Variants in ZNF540 observed in about 807,000 individuals in gnomAD.
The protein encoded by ZNF540 is CTD-3064H18.6.
A neutral mutation model predicts 11.8 loss-of-function variants in ZNF540; 3 were observed. That is an observed-to-expected ratio of 0.25 (90% CI 0.12 to 0.65). The LOEUF is 0.65. Ranked by LOEUF, ZNF540 falls within the 30% of genes least tolerant of loss-of-function variation. The probability of loss-of-function intolerance (pLI) is 0.83; values close to 1 mark genes in which losing one functional copy is unlikely to be tolerated. For missense variants in ZNF540, 709 were observed against 793.1 expected (o/e 0.89, Z 1.27); for synonymous variants, 247 against 259.0 (o/e 0.95, Z 0.45).
At chr19:37,562,929 A>G (rs1248014946) in intron 1 of ZNF540, 1 of 152,224 alleles carries the variant, frequency 6.6e-6, no homozygotes, top group African/African-American at 2.4e-5. Flanking sequence ...GGCTTAAATT[A>G]AGTTGAATTC....
chr19:37,589,765 C>T (rs1013517731), intron 1 of ZNF540, among the ~76,000 whole-genome samples: 1 of 141,646 alleles, frequency 7.1e-6, no homozygotes, highest in African/African-American at 2.6e-5. Flanking sequence ...ACTTGGGAGG[C>T]TGAGGCAAAG....
chr19:37,575,132 C>A (rs1391857244), intron 1 of ZNF540, among the ~76,000 whole-genome samples: 1 of 152,196 alleles, frequency 6.6e-6, no homozygotes. Context: ...TCCACTTAAA[C>A]TATAACCTGA....
chr19:37,612,614 G>C lies in ZNF540; in HGVS notation c.1334G>C (p.Gly445Ala). ...AAACCATATGAATGTAAGGAATGCGGGAAAGCCTTTATGCTTCGTTCAGTC... is the reference window on the plus strand; with the variant it reads ...AAACCATATGAATGTAAGGAATGCGCGAAAGCCTTTATGCTTCGTTCAGTC... The part of the protein sequence containing the change: ...GEKPYECKEC[G>A]KAFMLRSVLT... The change falls in exon 5 of 5, where the codon GGG becomes GCG. Residue 445 changes from glycine to alanine, a missense_variant. Gly to Ala is a moderately conservative substitution (Grantham distance 60). Transcript: ENST00000316433. 12 of 1,614,022 alleles carry C rather than the reference G, an allele frequency of 7.4e-6. No individual in the cohort carries two copies. Among genetic ancestry groups the C allele is most frequent in the Non-Finnish European group, 1.0e-5 (12 of 1,179,994 alleles).
At chr19:37,586,872 A>G (rs925189196) in intron 1 of ZNF540, 20 of 617,826 alleles carry the variant, frequency 3.2e-5, no homozygotes, top group South Asian at 6.2e-5. Flanking sequence ...CACAAACCCA[A>G]TGGAAGCCAG....
intron 1 of ZNF540, among the ~76,000 whole-genome samples, chr19:37,553,884 CAA>C (rs1412739859): frequency 1.3e-5 from 2 of 152,112 alleles, no homozygotes; most frequent in East Asian, 3.8e-4. Context: ...ATGAGGAAAA[CAA>C]TATTTACTCA....
chr19:37,593,337 A>C (rs116627092), upstream of ZNF540, among the ~76,000 whole-genome samples: 1 of 152,182 alleles, frequency 6.6e-6, no homozygotes, highest in Non-Finnish European at 1.5e-5. Context: ...GCCTGCTTGA[A>C]AACATCCACA....
intron 1 of ZNF540, among the ~76,000 whole-genome samples, chr19:37,583,254 T>C (rs921306585): frequency 6.6e-6 from 1 of 152,218 alleles, no homozygotes; most frequent in African/African-American, 2.4e-5. Context: ...TCAGTACGTA[T>C]GTGCTGGCTA....
chr19:37,561,873 T>A (rs1238873147), intron 1 of ZNF540, among the ~76,000 whole-genome samples: 2 of 152,218 alleles, frequency 1.3e-5, no homozygotes, highest in African/African-American at 2.4e-5. Context: ...ACTTATCCAA[T>A]CTGAACAAAA....
intron 1 of ZNF540, chr19:37,587,176 C>T (rs1280410856): frequency 2.0e-5 from 3 of 153,468 alleles, no homozygotes; most frequent in Admixed American, 1.3e-4. Flanking sequence ...CAGTCTCATC[C>T]CACTCCCCTG....
rs1002812866 is a variant in ZNF540, at chr19:37,612,022, T to C, written c.742T>C (p.Cys248Arg). ...TGAGAAACCCTATGAATGTCAAGAA[T>C]GTGGGAAGACCTTTACTCTTTACCC... is the stretch of plus-strand genomic sequence containing the variant. ...TGEKPYECQE[C>R]GKTFTLYPQL... The change falls in exon 5 of 5, where the codon TGT becomes CGT. Residue 248 changes from cysteine (C) to arginine (R), a missense_variant. Transcript: ENST00000316433. 1 of 1,613,590 alleles carries C rather than the reference T, an allele frequency of 6.2e-7. No homozygotes were observed. The highest frequency in any genetic ancestry group is 8.5e-7 in the Non-Finnish European group (1 of 1,179,942).
At chr19:37,600,116 A>G (rs1405219285) in intron 3 of ZNF540, among the ~76,000 whole-genome samples, 1 of 152,228 alleles carries the variant, frequency 6.6e-6, no homozygotes, top group Non-Finnish European at 1.5e-5. Context: ...TAACATGCCT[A>G]TAAGGATAAC....
intron 1 of ZNF540, chr19:37,563,417 T>C (rs1334643214): frequency 1.3e-5 from 2 of 152,104 alleles, no homozygotes; most frequent in Non-Finnish European, 2.9e-5. Context: ...CCATTCAGTA[T>C]ATCAGAAATG....
intron 1 of ZNF540, among the ~76,000 whole-genome samples, chr19:37,571,973 T>A (rs2043070985): frequency 6.6e-6 from 1 of 152,250 alleles, no homozygotes; most frequent in Non-Finnish European, 1.5e-5. Context: ...TATCTTTTTT[T>A]ATGATCTAAT....
Position 37,559,550 on chromosome 19 carries a change from A to AC in ZNF540, c.-73+7886dup, listed in dbSNP as rs1394465602. Among the ~76,000 whole-genome samples, 5 of 152,354 alleles carry AC rather than the reference A, an allele frequency of 3.3e-5. No homozygotes were observed. The East Asian group carries it at 7.7e-4, about 23-fold the overall frequency. ...ATTTTGAAAAAGAAAAGCAAGGTGC[A>AC]CAAGACAAATACCAACAAAATATAA... On this transcript the variant is annotated intron_variant, in intron 1 of 4. Transcript: ENST00000592533.
intron 1 of ZNF540, among the ~76,000 whole-genome samples, chr19:37,588,981 C>T (rs1368439247): frequency 6.6e-6 from 1 of 151,968 alleles, no homozygotes; most frequent in African/African-American, 2.4e-5. Context: ...AGGTGGATCA[C>T]CTGAGGTCAG....
chr19:37,591,377 G>A (rs536581934), upstream of ZNF540, among the ~76,000 whole-genome samples: 1 of 152,180 alleles, frequency 6.6e-6, no homozygotes, highest in Non-Finnish European at 1.5e-5. Flanking sequence ...TTAAAAAAGA[G>A]CAGTTTGATA....
At chr19:37,565,628 G>C (rs1233032660) in intron 1 of ZNF540, 1 of 1,613,340 alleles carries the variant, frequency 6.2e-7, no homozygotes, top group African/African-American at 1.3e-5. Flanking sequence ...CTGATGAAGA[G>C]TATATTGTGA....
At position 37,561,071 on chromosome 19, in the gene ZNF540, A is replaced by G. The variant is rs1012616749; in HGVS notation, c.-73+9406A>G. 3.3e-5 allele frequency among the ~76,000 whole-genome samples: 5 copies of G among 150,496 alleles called. No individual in the cohort carries two copies. In the South Asian group the frequency reaches 6.3e-4, roughly 19 times the overall value. On this transcript the variant is annotated intron_variant, in intron 1 of 4. Transcript: ENST00000592533. The stretch of plus-strand genomic sequence containing the variant: ...TACAAAAAAAAAAAAAAAAAAAAAA[A>G]AAAGAAAGAAAAAATTTAAATTATC...
chr19:37,589,864 CAAA>C (rs60136941), upstream of ZNF540, among the ~76,000 whole-genome samples: 4 of 29,590 alleles, frequency 1.4e-4, no homozygotes, highest in South Asian at 2.6e-3. Context: ...GACTCCATCT[CAAA>C]AAAAAAAAAA....
Sources: allele counts gnomAD v4.1 joint callset (sites outside exome capture counted in the v4.1 genomes callset), GRCh38; gene constraint gnomAD v4.1.1; transcripts MANE v1.5; gene names NCBI Gene and HGNC (gene_info 2026-07-23, HGNC 2026-07-21).